KCNMB2: variants seen among roughly 807,000 people sequenced by gnomAD.
KCNMB2 encodes calcium-activated potassium channel subunit beta-2.
KCNMB2 carries 9 observed loss-of-function variants against 24.5 expected under a neutral mutation model. The observed-to-expected ratio is 0.37, with a 90% CI of 0.22 to 0.64. KCNMB2 has a LOEUF of 0.64. Ranked by LOEUF, KCNMB2 falls within the 30% of genes least tolerant of loss-of-function variation. KCNMB2 has a pLI of 0.63. For missense variants in KCNMB2, 226 were observed against 284.3 expected (o/e 0.79, Z 1.47); for synonymous variants, 109 against 104.4 (o/e 1.04, Z -0.27).
At chr3:178,699,600 G>A (rs541726504) in intron 1 of KCNMB2, among the ~76,000 whole-genome samples, 8 of 152,344 alleles carry the variant, frequency 5.3e-5, no homozygotes, top group African/African-American at 7.2e-5. Flanking sequence ...GCATGACCAG[G>A]CTGGGGCCCT....
intron 1 of KCNMB2, among the ~76,000 whole-genome samples, chr3:178,715,725 T>C (rs912128448): frequency 2.0e-5 from 3 of 152,202 alleles, no homozygotes; most frequent in African/African-American, 7.2e-5. Context: ...CTATATGCAG[T>C]TGGCATTTGT....
chr3:178,691,427 G>A (rs1324771590), intron 1 of KCNMB2, among the ~76,000 whole-genome samples: 2 of 151,436 alleles, frequency 1.3e-5, no homozygotes, highest in South Asian at 2.1e-4. Context: ...CTCTAATAGG[G>A]TCCCAGTGTG....
chr3:178,825,781 AC>A, intron 3 of KCNMB2, 23 bp downstream of exon 3: 1 of 1,578,952 alleles, frequency 6.3e-7, no homozygotes, highest in Non-Finnish European at 8.7e-7. Flanking sequence ...GGTGGGTGGG[AC>A]CCTGCTGTTT....
intron 1 of KCNMB2, among the ~76,000 whole-genome samples, chr3:178,545,610 G>T (rs936358346): frequency 6.6e-6 from 1 of 152,176 alleles, no homozygotes; most frequent in Non-Finnish European, 1.5e-5. Flanking sequence ...AATCTTGCTC[G>T]TGAGATAATT....
chr3:178,588,889 G>A (rs1032281737), intron 1 of KCNMB2, among the ~76,000 whole-genome samples: 5 of 152,138 alleles, frequency 3.3e-5, no homozygotes, highest in African/African-American at 4.8e-5. Flanking sequence ...ATGAGATAAT[G>A]GATATGAAAC....
At chr3:178,691,115 T>C (rs1215413428) in intron 1 of KCNMB2, among the ~76,000 whole-genome samples, 1 of 137,708 alleles carries the variant, frequency 7.3e-6, no homozygotes, top group Admixed American at 7.2e-5. Context: ...GTCTTTTTTT[T>C]TTTTTTTTTT....
chr3:178,591,351 C>T (rs1577033269), intron 1 of KCNMB2, among the ~76,000 whole-genome samples: 1 of 152,324 alleles, frequency 6.6e-6, no homozygotes, highest in East Asian at 1.9e-4. Flanking sequence ...GTTTTCATCG[C>T]TTTTCCCTTC....
chr3:178,542,642 G>T (rs1340440023), intron 1 of KCNMB2, among the ~76,000 whole-genome samples: 1 of 152,138 alleles, frequency 6.6e-6, no homozygotes, highest in African/African-American at 2.4e-5. Context: ...GTGGTTAGGA[G>T]AATTTTTTTA....
chr3:178,741,634 A>C (rs112448826), intron 1 of KCNMB2, among the ~76,000 whole-genome samples: 6 of 152,268 alleles, frequency 3.9e-5, no homozygotes, highest in African/African-American at 1.4e-4. Flanking sequence ...GATCCTCTCC[A>C]GGCTTCCAAA....
rs529994138 is a variant in KCNMB2 at position 178,669,520 on chromosome 3, C to T, written c.-68+132809C>T. Among the ~76,000 whole-genome samples, 16 of 152,192 alleles carry T rather than the reference C, an allele frequency of 1.1e-4. No individual in the cohort carries two copies. The South Asian group carries it at 3.3e-3, about 32-fold the overall frequency. ...GTGGAGTTTAGTCATGGGAACAATA[C>T]TGTAATTCACCAAGTGTTGCTTGAA... On this transcript the variant is annotated intron_variant, in intron 1 of 4. Coordinates refer to ENST00000452583, the MANE Select transcript of KCNMB2 (RefSeq NM_181361.3).
intron 1 of KCNMB2, among the ~76,000 whole-genome samples, chr3:178,761,021 C>T (rs968114667): frequency 2.0e-5 from 3 of 152,112 alleles, no homozygotes; most frequent in African/African-American, 7.2e-5. Context: ...GGTCTTTAAT[C>T]CCTTGAATTT....
At chr3:178,557,575 C>G (rs1036219010) in intron 1 of KCNMB2, among the ~76,000 whole-genome samples, 1 of 152,152 alleles carries the variant, frequency 6.6e-6, no homozygotes, top group African/African-American at 2.4e-5. Flanking sequence ...TCTCTCTACC[C>G]TTATTCGTTG....
intron 1 of KCNMB2, among the ~76,000 whole-genome samples, chr3:178,757,518 A>G (rs1161336390): frequency 1.6e-5 from 1 of 62,118 alleles, no homozygotes; most frequent in Non-Finnish European, 2.8e-5. Flanking sequence ...ATATATATGT[A>G]TATATATCCA....
At chr3:178,720,907 A>G (rs1722782875) in intron 1 of KCNMB2, among the ~76,000 whole-genome samples, 1 of 152,040 alleles carries the variant, frequency 6.6e-6, no homozygotes, top group African/African-American at 2.4e-5. Context: ...GTAGGTTGCG[A>G]AAATTTTCTC....
rs549836769 is a variant in KCNMB2, at chr3:178,757,249, T to C, written c.-67-50094T>C. On this transcript the variant is annotated intron_variant, in intron 1 of 4. Transcript: ENST00000452583. Reference sequence around the variant, plus strand: ...AAATTGTGGTACACACATACACACATATATATATACACGTGTGTGTGTGTA... The same window carrying C: ...AAATTGTGGTACACACATACACACACATATATATACACGTGTGTGTGTGTA... 11 of 144,312 alleles carry C rather than the reference T, an allele frequency of 7.6e-5. No individual in the cohort carries two copies. In the East Asian group the frequency reaches 1.0e-3, roughly 13 times the overall value. The allele number at this position is 144,312 out of a possible 1,614,324, so 8.9% of individuals were successfully genotyped here.
At chr3:178,671,572 G>C (rs922362724) in intron 1 of KCNMB2, among the ~76,000 whole-genome samples, 1 of 152,144 alleles carries the variant, frequency 6.6e-6, no homozygotes, top group African/African-American at 2.4e-5. Context: ...AGAATACAGA[G>C]AGAAGGTGAA....
chr3:178,631,751 C>G (rs1719327641), intron 1 of KCNMB2, among the ~76,000 whole-genome samples: 1 of 152,214 alleles, frequency 6.6e-6, no homozygotes. Flanking sequence ...TGGATTTCAG[C>G]TTGTTTTGCC....
At chr3:178,715,716 T>C (rs919432513) in intron 1 of KCNMB2, among the ~76,000 whole-genome samples, 1 of 152,210 alleles carries the variant, frequency 6.6e-6, no homozygotes, top group African/African-American at 2.4e-5. Context: ...TACTAAACAC[T>C]ATATGCAGTT....
At chr3:178,568,828 AGATGATAGATAG>A (rs1433608741) in intron 1 of KCNMB2, among the ~76,000 whole-genome samples, 12 of 76,034 alleles carry the variant, frequency 1.6e-4, no homozygotes, top group South Asian at 4.8e-4. Context: ...ATAGATAGAT[AGATGATAGATAG>A]ATAGATAGAT....
Sources: gnomAD v4.1 joint callset for allele counts (sites outside exome capture counted in the v4.1 genomes callset) on GRCh38, gnomAD v4.1.1 for gene constraint, MANE v1.5 for transcripts, NCBI Gene and HGNC (gene_info 2026-07-23, HGNC 2026-07-21) for gene names.